Variants in ITPRID1 observed in about 807,000 individuals in gnomAD.
ITPRID1 encodes the protein ITPR interacting domain containing 1.
A neutral mutation model predicts 95.4 loss-of-function variants in ITPRID1; 96 were observed. That is an observed-to-expected ratio of 1.01 (90% CI 0.85 to 1.19). The LOEUF (loss-of-function observed/expected upper bound fraction) is 1.19. ITPRID1 is among the 50% of genes most tolerant of loss of function. The pLI, the probability that ITPRID1 is intolerant of heterozygous loss-of-function variation, is 0.00. For synonymous variants in ITPRID1, 510 were observed against 453.6 expected (o/e 1.12, Z -1.58); for missense variants, 1,339 against 1,252.9 (o/e 1.07, Z -1.04).
At chr7:31,612,453 TATG>T (rs568101237) in intron 10 of ITPRID1, among the ~76,000 whole-genome samples, 1 of 152,082 alleles carries the variant, frequency 6.6e-6, no homozygotes. Context: ...TTTAAAATGA[TATG>T]ATAATATGAA....
chr7:31,595,889 TAAAG>T (rs1344450432), intron 10 of ITPRID1, among the ~76,000 whole-genome samples: 2 of 151,670 alleles, frequency 1.3e-5, no homozygotes, highest in Non-Finnish European at 2.9e-5. Context: ...AATATCAAAA[TAAAG>T]AAAAGAAATG....
At chr7:31,558,444 G>A (rs746393834) in intron 5 of ITPRID1, among the ~76,000 whole-genome samples, 1 of 152,038 alleles carries the variant, frequency 6.6e-6, no homozygotes, top group Non-Finnish European at 1.5e-5. Flanking sequence ...CAGTCCTCTG[G>A]AGTTCAATTC....
chr7:31,628,930 C>G (rs1233385786), intron 10 of ITPRID1, among the ~76,000 whole-genome samples: 3 of 152,030 alleles, frequency 2.0e-5, no homozygotes, highest in African/African-American at 7.2e-5. Flanking sequence ...GCTAGCTTCA[C>G]AAGAGGAAAA....
In ITPRID1 at chr7:31,523,337, C is replaced by A. The variant is rs74648928; in HGVS notation, c.-98+9217C>A. Among the ~76,000 whole-genome samples the A allele has an allele frequency of 5.1e-4, 78 of 152,326 alleles. No homozygotes were observed. The East Asian group carries it at 0.014, about 27-fold the overall frequency. On this transcript the variant is annotated intron_variant, in intron 1 of 14. Transcript: ENST00000615280. ...TAGGAAGAAATGGATATAAATGCTT[C>A]TTTGACTCTTAACTAGTTGACTCTT...
chr7:31,561,197 A>G (rs1296188646), intron 5 of ITPRID1, among the ~76,000 whole-genome samples: 2 of 152,240 alleles, frequency 1.3e-5, no homozygotes, highest in Non-Finnish European at 2.9e-5. Context: ...CAGAAAACAG[A>G]AAACTGCTTT....
intron 5 of ITPRID1, among the ~76,000 whole-genome samples, chr7:31,556,151 C>T (rs1457244658): frequency 6.6e-6 from 1 of 152,066 alleles, no homozygotes; most frequent in Admixed American, 6.6e-5. Context: ...CAAATCACAG[C>T]TCTTCCTCTT....
At chr7:31,657,093 GATATATATAAA>G (rs1791340401), downstream of ITPRID1, among the ~76,000 whole-genome samples, 1 of 3,594 alleles carries the variant, frequency 2.8e-4, no homozygotes, top group Non-Finnish European at 5.9e-4. Context: ...TTTTATATAT[GATATATATAAA>G]ATATATATAA....
At chr7:31,632,605 A>T (rs1789111277) in intron 10 of ITPRID1, among the ~76,000 whole-genome samples, 1 of 152,182 alleles carries the variant, frequency 6.6e-6, no homozygotes, top group Admixed American at 6.5e-5. Flanking sequence ...TATCAGTGTA[A>T]CCCAACACTG....
In ITPRID1 at chr7:31,655,643, A is replaced by G. The variant is rs1432696364; in HGVS notation, c.*2814A>G. 8.9e-6 allele frequency: 6 copies of G among 670,478 alleles called. No homozygotes were observed. The highest frequency in any genetic ancestry group is 1.1e-5 in the Non-Finnish European group (6 of 542,002). The allele number at this position is 670,478 out of a possible 1,614,324, so 41.5% of individuals were successfully genotyped here. On this transcript the variant is annotated 3_prime_UTR_variant, in exon 15 of 15. Coordinates refer to ENST00000615280, the MANE Select transcript of ITPRID1 (RefSeq NM_001257967.3). ...TGCGCCTCTCGTCGCCTCCCACTGC[A>G]TCATCCCTTTTTGCCACATCCCCAT...
intron 10 of ITPRID1, among the ~76,000 whole-genome samples, chr7:31,620,871 C>A (rs535235998): frequency 3.6e-4 from 54 of 151,980 alleles, no homozygotes; most frequent in East Asian, 7.8e-4. Context: ...AAAATTTAGA[C>A]GAATGTATAA....
intron 9 of ITPRID1, among the ~76,000 whole-genome samples, chr7:31,581,785 G>C (rs1050457100): frequency 6.6e-6 from 1 of 151,698 alleles, no homozygotes; most frequent in Non-Finnish European, 1.5e-5. Flanking sequence ...CCATGATAAT[G>C]GTCATAGCAA....
In ITPRID1 at chr7:31,559,587, C is replaced by A. The variant is rs142728383; in HGVS notation, c.256+4686C>A. Among the ~76,000 whole-genome samples, 1,380 of 152,252 alleles carry A rather than the reference C, an allele frequency of 9.1e-3. 22 individuals carry two copies. Among genetic ancestry groups the A allele is most frequent in the African/African-American group, 0.029 (1,207 of 41,554 alleles). On this transcript the variant is annotated intron_variant, in intron 5 of 14. Coordinates refer to ENST00000615280, the MANE Select transcript of ITPRID1 (RefSeq NM_001257967.3). The stretch of plus-strand genomic sequence containing the variant: ...GGCTGAGGCAGGAGAATTGCTTGAA[C>A]CCTGGAGGTGGAGGTTGCAGTGAGC...
At chr7:31,568,211 C>T (rs1182082581) in intron 5 of ITPRID1, among the ~76,000 whole-genome samples, 1 of 151,798 alleles carries the variant, frequency 6.6e-6, no homozygotes, top group Non-Finnish European at 1.5e-5. Flanking sequence ...TTCCATTTAA[C>T]AGGGTCACTA....
downstream of ITPRID1, chr7:31,658,574 C>G: frequency 2.6e-6 from 1 of 380,932 alleles, no homozygotes. Context: ...TTTAAAACAA[C>G]AAATTGTTCA....
intron 10 of ITPRID1, among the ~76,000 whole-genome samples, chr7:31,619,198 T>A (rs968621067): frequency 6.6e-6 from 1 of 152,228 alleles, no homozygotes; most frequent in African/African-American, 2.4e-5. Flanking sequence ...GTGTCCTTTC[T>A]ATGTCTATTT....
rs200315406 is a variant in ITPRID1, at chr7:31,554,560, T to C, written c.212+37T>C. On this transcript the variant is annotated intron_variant, in intron 4 of 14. Coordinates refer to ENST00000615280, the MANE Select transcript of ITPRID1 (RefSeq NM_001257967.3). Reference sequence around the variant, plus strand: ...TGTGTGTGTGTGCCTTACATGTTTCTCTTGCAAAGATCCATGAAAACAATG... The same window carrying C: ...TGTGTGTGTGTGCCTTACATGTTTCCCTTGCAAAGATCCATGAAAACAATG... 162 of 1,608,906 alleles carry C rather than the reference T, an allele frequency of 1.0e-4. No homozygotes were observed. In the African/African-American group the frequency reaches 2.0e-3, roughly 20 times the overall value.
intron 10 of ITPRID1, among the ~76,000 whole-genome samples, chr7:31,615,730 G>GTGTT (rs1434609765): frequency 1.3e-5 from 2 of 149,476 alleles, no homozygotes; most frequent in East Asian, 4.0e-4. Context: ...TACCAGTAGC[G>GTGTT]TGTTAGAGTT....
chr7:31,591,976 A>C (rs1404771823), intron 10 of ITPRID1, among the ~76,000 whole-genome samples: 1 of 152,210 alleles, frequency 6.6e-6, no homozygotes, highest in Non-Finnish European at 1.5e-5. Context: ...TGGACCAAAA[A>C]AATTCAGATA....
At position 31,651,099 on chromosome 7, in the gene ITPRID1, A is replaced by G. The variant is rs773105461; in HGVS notation, c.2584-43A>G. 5.6e-6 allele frequency: 9 copies of G among 1,597,522 alleles called. No homozygotes were observed. The East Asian group carries it at 1.8e-4, about 32-fold the overall frequency. On this transcript the variant is annotated intron_variant, in intron 12 of 14. Transcript: ENST00000615280. ...CCACCATGGTGAGCTCTTGCAGAGG[A>G]TCAGAGAGGACTTTCTTCTCAGTTC...
Sources: gnomAD v4.1 joint callset for allele counts (sites outside exome capture counted in the v4.1 genomes callset) on GRCh38, gnomAD v4.1.1 for gene constraint, MANE v1.5 for transcripts, NCBI Gene and HGNC (gene_info 2026-07-23, HGNC 2026-07-21) for gene names.